LHFPL2: variants seen among roughly 807,000 people sequenced by gnomAD.
The protein encoded by LHFPL2 is LHFPL tetraspan subfamily member 2, also known as LHFPL tetraspan subfamily member 2 protein.
Under a neutral mutation model 17.5 loss-of-function variants are expected in LHFPL2, and 7 were observed. The observed-to-expected ratio is 0.40, with a 90% CI of 0.23 to 0.75. The LOEUF is 0.75. Ranked by LOEUF, LHFPL2 falls within the 30% of genes least tolerant of loss-of-function variation. LHFPL2 has a pLI of 0.37. For synonymous variants in LHFPL2, 134 were observed against 116.2 expected (o/e 1.15, Z -0.99); for missense variants, 241 against 294.8 (o/e 0.82, Z 1.34).
At chr5:78,498,257 C>A (rs903676481) in intron 4 of LHFPL2, among the ~76,000 whole-genome samples, 20 of 152,188 alleles carry the variant, frequency 1.3e-4, no homozygotes, top group Admixed American at 4.6e-4. Context: ...CGCAGATCAA[C>A]CTCTCAGGGT....
intron 2 of LHFPL2, among the ~76,000 whole-genome samples, chr5:78,574,655 T>C (rs1757083329): frequency 6.6e-6 from 1 of 152,244 alleles, no homozygotes; most frequent in Admixed American, 6.5e-5. Flanking sequence ...AATTCAACAA[T>C]CAGTGGTAAA....
chr5:78,526,010 C>T (rs1312287764), intron 3 of LHFPL2, among the ~76,000 whole-genome samples: 2 of 152,206 alleles, frequency 1.3e-5, no homozygotes, highest in Admixed American at 1.3e-4. Flanking sequence ...GCCACCCCAG[C>T]CTCCCCAAGT....
intron 2 of LHFPL2, among the ~76,000 whole-genome samples, chr5:78,603,321 A>G (rs917072884): frequency 1.3e-5 from 2 of 152,254 alleles, no homozygotes; most frequent in Non-Finnish European, 2.9e-5. Flanking sequence ...ATTAGCCTAC[A>G]GCAAGCAAAG....
intron 2 of LHFPL2, among the ~76,000 whole-genome samples, chr5:78,593,930 C>T (rs1387918021): frequency 3.3e-5 from 5 of 152,194 alleles, no homozygotes; most frequent in African/African-American, 9.7e-5. Flanking sequence ...ATATCTCATT[C>T]CTATTCGTCT....
intron 3 of LHFPL2, among the ~76,000 whole-genome samples, chr5:78,533,823 TC>T (rs1755858602): frequency 6.6e-6 from 1 of 152,160 alleles, no homozygotes; most frequent in Admixed American, 6.5e-5. Context: ...AAACCTGAGG[TC>T]CACCACTCCC....
At chr5:78,637,635 T>A (rs1340910149) in intron 1 of LHFPL2, among the ~76,000 whole-genome samples, 1 of 152,236 alleles carries the variant, frequency 6.6e-6, no homozygotes, top group Non-Finnish European at 1.5e-5. Context: ...GGTTCAGCCC[T>A]GACATTTCTC....
chr5:78,632,875 G>A (rs948872604), intron 1 of LHFPL2, among the ~76,000 whole-genome samples: 5 of 152,148 alleles, frequency 3.3e-5, no homozygotes, highest in African/African-American at 9.7e-5. Flanking sequence ...AGCAAGTGAG[G>A]GCTAAAATGA....
chr5:78,603,185 C>T (rs1444004127), intron 2 of LHFPL2, among the ~76,000 whole-genome samples: 1 of 152,330 alleles, frequency 6.6e-6, no homozygotes, highest in South Asian at 2.1e-4. Context: ...AGCCACCATA[C>T]CTAGCCGAGG....
intron 3 of LHFPL2, among the ~76,000 whole-genome samples, chr5:78,515,248 C>A (rs1056777666): frequency 1.7e-4 from 5 of 30,248 alleles, no homozygotes; most frequent in Non-Finnish European, 2.6e-4. Context: ...CAAGAATAGT[C>A]TTCCCACCCA....
chr5:78,634,327 C>T (rs1745354896), intron 1 of LHFPL2, among the ~76,000 whole-genome samples: 1 of 152,224 alleles, frequency 6.6e-6, no homozygotes, highest in African/African-American at 2.4e-5. Context: ...GGTGGCTGTG[C>T]TGCAGGAACT....
At chr5:78,565,736 CA>C (rs1215103304) in intron 2 of LHFPL2, among the ~76,000 whole-genome samples, 1 of 152,198 alleles carries the variant, frequency 6.6e-6, no homozygotes, top group African/African-American at 2.4e-5. Context: ...GAACCTTCCT[CA>C]ATACCATAGG....
rs184684751 is a variant in LHFPL2 at position 78,541,646 on chromosome 5, A to T, written c.-186+23167T>A. ...GTGTGTGACCAGCCTGCCACCTGAT[A>T]AATCAGTTACTAAAACAGATCTCAG... On this transcript the variant is annotated intron_variant, in intron 3 of 4. Coordinates refer to ENST00000380345, the MANE Select transcript of LHFPL2 (RefSeq NM_005779.3). Among the ~76,000 whole-genome samples the T allele has an allele frequency of 5.9e-5, 9 of 152,318 alleles. No individual in the cohort carries two copies. The East Asian group carries it at 1.7e-3, about 29-fold the overall frequency.
intron 3 of LHFPL2, among the ~76,000 whole-genome samples, chr5:78,552,881 C>T (rs946931734): frequency 4.6e-5 from 7 of 152,176 alleles, no homozygotes; most frequent in Non-Finnish European, 1.5e-5. Flanking sequence ...CGCCAACCAG[C>T]CATGTAGCAC....
chr5:78,552,577 T>A (rs1366463763), intron 3 of LHFPL2, among the ~76,000 whole-genome samples: 3 of 152,164 alleles, frequency 2.0e-5, no homozygotes, highest in Non-Finnish European at 4.4e-5. Context: ...TCTCAATCCA[T>A]GTACTGAAGG....
chr5:78,572,647 A>G (rs1757032206), intron 2 of LHFPL2, among the ~76,000 whole-genome samples: 1 of 152,044 alleles, frequency 6.6e-6, no homozygotes, highest in Non-Finnish European at 1.5e-5. Context: ...AAAATTGAAC[A>G]TTTACACCAG....
At chr5:78,507,941 TAC>T (rs10562386) in intron 4 of LHFPL2, among the ~76,000 whole-genome samples, 62,914 of 148,290 alleles carry the variant, frequency 0.42, 13,622 homozygotes, top group Non-Finnish European at 0.5. Flanking sequence ...TACACATGCA[TAC>T]ACACACACAC....
At chr5:78,622,923 T>G (rs1744908676) in intron 2 of LHFPL2, among the ~76,000 whole-genome samples, 1 of 151,972 alleles carries the variant, frequency 6.6e-6, no homozygotes, top group South Asian at 2.1e-4. Context: ...TCAGGCCTTG[T>G]AAAGAAGGGG....
chr5:78,620,420 G>A (rs1040330367), intron 2 of LHFPL2, among the ~76,000 whole-genome samples: 5 of 151,994 alleles, frequency 3.3e-5, no homozygotes, highest in African/African-American at 4.8e-5. Context: ...ATCATAGAAA[G>A]GCGACGATGA....
In LHFPL2 at chr5:78,612,024, TTTTA is replaced by T. The variant is rs1388344901; in HGVS notation, c.-245+20236_-245+20239del. ...CTCTCCGAAACAACGAAACAACTAT[TTTTA>T]TTTATTTGTTTCTTCTCCCAAAAGA... On this transcript the variant is annotated intron_variant, in intron 2 of 4. Coordinates refer to ENST00000380345, the MANE Select transcript of LHFPL2 (RefSeq NM_005779.3). Among the ~76,000 whole-genome samples the T allele has an allele frequency of 3.9e-5, 6 of 152,296 alleles. No individual in the cohort carries two copies. The South Asian group carries it at 8.3e-4, about 21-fold the overall frequency.
Sources: gnomAD v4.1 joint callset for allele counts (sites outside exome capture counted in the v4.1 genomes callset) on GRCh38, gnomAD v4.1.1 for gene constraint, MANE v1.5 for transcripts, NCBI Gene and HGNC (gene_info 2026-07-23, HGNC 2026-07-21) for gene names.